Variants in NXPH1 observed in about 807,000 individuals in gnomAD.
NXPH1 encodes the protein neurexophilin 1.
NXPH1 carries 5 observed loss-of-function variants against 23.7 expected under a neutral mutation model. The ratio of observed to expected loss-of-function variants is 0.21; its 90% CI spans 0.11 to 0.44. The LOEUF (loss-of-function observed/expected upper bound fraction) is 0.44. Among genes scored for constraint, NXPH1 ranks in the 20% least tolerant of loss-of-function variants. NXPH1 has a pLI of 0.99. For synonymous variants in NXPH1, 144 were observed against 122.2 expected, an observed-to-expected ratio of 1.18 and a Z score of -1.18; for missense variants, 324 against 321.6, an observed-to-expected ratio of 1.01 and a Z score of -0.06.
chr7:8,639,797 C>G (rs1820278339), intron 2 of NXPH1, among the ~76,000 whole-genome samples: 3 of 152,110 alleles, frequency 2.0e-5, no homozygotes, highest in African/African-American at 4.8e-5. Context: ...TTTCCACTTT[C>G]ACTTCTTCCT....
chr7:8,547,962 G>GT (rs544272822), intron 2 of NXPH1, among the ~76,000 whole-genome samples: 2 of 151,432 alleles, frequency 1.3e-5, no homozygotes, highest in African/African-American at 2.4e-5. Flanking sequence ...AAGTGCTGGT[G>GT]TTTTTTTGAT....
chr7:8,438,346 A>G (rs1294198140), intron 2 of NXPH1, among the ~76,000 whole-genome samples: 7 of 152,258 alleles, frequency 4.6e-5, no homozygotes, highest in African/African-American at 1.7e-4. Context: ...CACTGGATGC[A>G]TACAGATTGT....
intron 2 of NXPH1, among the ~76,000 whole-genome samples, chr7:8,548,365 T>C (rs535243548): frequency 1.3e-5 from 2 of 151,694 alleles, no homozygotes; most frequent in South Asian, 4.1e-4. Flanking sequence ...TTAAGAAAAT[T>C]TCTATCTGCA....
intron 2 of NXPH1, among the ~76,000 whole-genome samples, chr7:8,479,482 G>A (rs1311552714): frequency 1.3e-5 from 2 of 152,088 alleles, no homozygotes; most frequent in Non-Finnish European, 2.9e-5. Flanking sequence ...ATGAACTCAA[G>A]ACGTCTTTCA....
chr7:8,567,410 C>T (rs970954660), intron 2 of NXPH1, among the ~76,000 whole-genome samples: 2 of 151,912 alleles, frequency 1.3e-5, no homozygotes, highest in Non-Finnish European at 2.9e-5. Flanking sequence ...GTGGAAAAGG[C>T]TGTGGGCAGG....
At chr7:8,611,656 G>A (rs767825158) in intron 2 of NXPH1, among the ~76,000 whole-genome samples, 31 of 152,014 alleles carry the variant, frequency 2.0e-4, no homozygotes, top group Non-Finnish European at 4.4e-5. Flanking sequence ...TAAACCTTGT[G>A]GCATATTTAA....
At chr7:8,558,640 A>G (rs1256805607) in intron 2 of NXPH1, among the ~76,000 whole-genome samples, 3 of 151,698 alleles carry the variant, frequency 2.0e-5, no homozygotes, top group Non-Finnish European at 4.4e-5. Flanking sequence ...TATATCTCAT[A>G]GGCTCAAGTC....
intron 2 of NXPH1, among the ~76,000 whole-genome samples, chr7:8,696,976 G>C (rs1354053906): frequency 7.3e-6 from 1 of 136,728 alleles, no homozygotes; most frequent in Non-Finnish European, 1.7e-5. Context: ...TGGTCAACAT[G>C]GCAAAACCCT....
chr7:8,604,803 C>T (rs1379618016), intron 2 of NXPH1, among the ~76,000 whole-genome samples: 1 of 152,104 alleles, frequency 6.6e-6, no homozygotes, highest in African/African-American at 2.4e-5. Flanking sequence ...ACATTTCTTA[C>T]AAATTTGTGG....
At chr7:8,639,632 C>T (rs1050212016) in intron 2 of NXPH1, among the ~76,000 whole-genome samples, 7 of 152,136 alleles carry the variant, frequency 4.6e-5, no homozygotes, top group Admixed American at 4.6e-4. Context: ...CTGTGTCCCC[C>T]ACCCAAATCT....
intron 2 of NXPH1, among the ~76,000 whole-genome samples, chr7:8,584,550 A>G (rs1466732051): frequency 1.3e-5 from 2 of 152,200 alleles, no homozygotes; most frequent in Non-Finnish European, 2.9e-5. Flanking sequence ...AGACAAATAC[A>G]CACTCAGAGA....
At chr7:8,627,856 A>G (rs1339422867) in intron 2 of NXPH1, among the ~76,000 whole-genome samples, 5 of 152,232 alleles carry the variant, frequency 3.3e-5, no homozygotes, top group African/African-American at 7.2e-5. Context: ...GGTACAATAA[A>G]AAAAGCCTCT....
chr7:8,549,195 T>A (rs1818240050), intron 2 of NXPH1, among the ~76,000 whole-genome samples: 1 of 151,558 alleles, frequency 6.6e-6, no homozygotes, highest in Admixed American at 6.6e-5. Flanking sequence ...TCATTACTGT[T>A]ATGATTCCAG....
intron 2 of NXPH1, among the ~76,000 whole-genome samples, chr7:8,713,112 G>T (rs1779822305): frequency 6.6e-6 from 1 of 151,676 alleles, no homozygotes; most frequent in South Asian, 2.1e-4. Context: ...CTTTCTTGTA[G>T]GCATGCTTCA....
chr7:8,541,463 T>C (rs1042776566), intron 2 of NXPH1, among the ~76,000 whole-genome samples: 1 of 151,536 alleles, frequency 6.6e-6, no homozygotes. Flanking sequence ...GATAAAGTTA[T>C]AAATCCAAGA....
chr7:8,559,415 G>A (rs1011340922), intron 2 of NXPH1, among the ~76,000 whole-genome samples: 14 of 151,638 alleles, frequency 9.2e-5, no homozygotes, highest in Non-Finnish European at 2.1e-4. Context: ...TGCCTTAGGT[G>A]TTTTCATTAA....
intron 2 of NXPH1, among the ~76,000 whole-genome samples, chr7:8,554,239 G>A (rs1818320578): frequency 6.6e-6 from 1 of 151,578 alleles, no homozygotes; most frequent in Admixed American, 6.6e-5. Flanking sequence ...CAGGCATTTA[G>A]GATGACACCG....
intron 2 of NXPH1, among the ~76,000 whole-genome samples, chr7:8,621,622 G>A (rs913303863): frequency 2.0e-5 from 3 of 151,816 alleles, no homozygotes; most frequent in South Asian, 2.1e-4. Context: ...CGAGTAGCTG[G>A]GATTACAGGC....
chr7:8,472,151 T>C (rs1816881682), intron 2 of NXPH1, among the ~76,000 whole-genome samples: 1 of 152,160 alleles, frequency 6.6e-6, no homozygotes, highest in Non-Finnish European at 1.5e-5. Flanking sequence ...CTTACTGATA[T>C]AGGTATATTC....
Sources: allele counts gnomAD v4.1 joint callset (sites outside exome capture counted in the v4.1 genomes callset), GRCh38; gene constraint gnomAD v4.1.1; transcripts MANE v1.5; gene names NCBI Gene and HGNC (gene_info 2026-07-23, HGNC 2026-07-21).